SCN2A: variants seen among roughly 807,000 people sequenced by gnomAD.
SCN2A encodes sodium channel protein type 2 subunit alpha.
SCN2A carries 20 observed loss-of-function variants against 188.7 expected under a neutral mutation model. That is an observed-to-expected ratio of 0.11 (90% CI 0.07 to 0.15). The LOEUF (loss-of-function observed/expected upper bound fraction) is 0.15, where lower values mean the gene tolerates loss of function less well. Among genes scored for constraint, SCN2A ranks in the 10% least tolerant of loss-of-function variants. SCN2A has a pLI of 1.00. For synonymous variants in SCN2A, 804 were observed against 833.1 expected (o/e 0.97, Z 0.60); for missense variants, 1,278 against 2,445.0 (o/e 0.52, Z 10.07).
chr2:165,346,886 A>C (rs906679318), intron 16 of SCN2A, among the ~76,000 whole-genome samples: 2 of 152,256 alleles, frequency 1.3e-5, no homozygotes, highest in Admixed American at 6.5e-5. Flanking sequence ...TCAAAACCAC[A>C]ATGAGATACC....
chr2:165,374,924 C>T lies in SCN2A; in HGVS notation c.4212C>T (p.Asn1404=). The change falls in exon 22 of 27, where the codon AAC becomes AAT. Residue 1404 remains asparagine, a synonymous_variant. Coordinates refer to ENST00000375437, the MANE Select transcript of SCN2A (RefSeq NM_001040142.2). ...CCAGGTGGAAAAATGTGAAAGTAAA[C>T]TTTGATAACGTAGGACTTGGATATC... is the stretch of plus-strand genomic sequence containing the variant. ...QTARWKNVKV[N]FDNVGLGYLS... 8 of 1,613,330 alleles carry T rather than the reference C, an allele frequency of 5.0e-6. No homozygotes were observed. Among genetic ancestry groups the T allele is most frequent in the Non-Finnish European group, 5.9e-6 (7 of 1,179,532 alleles).
chr2:165,322,866 A>G (rs1698145824), intron 11 of SCN2A, among the ~76,000 whole-genome samples: 1 of 152,208 alleles, frequency 6.6e-6, no homozygotes, highest in Admixed American at 6.5e-5. Context: ...ACAAAACATT[A>G]TGGGGACACT....
chr2:165,294,040 A>AAG (rs780674346), intron 1 of SCN2A: 4 of 630,392 alleles, frequency 6.3e-6, no homozygotes, highest in Non-Finnish European at 7.5e-6. Flanking sequence ...AAAAAAAAAG[A>AAG]TTTTTTTTTT....
In SCN2A at chr2:165,264,871, T is replaced by C. The variant is rs192016487; in HGVS notation, c.-52+25231T>C. Among the ~76,000 whole-genome samples the C allele has an allele frequency of 5.6e-4, 85 of 152,280 alleles. No individual in the cohort carries two copies. The South Asian group carries it at 0.014, about 25-fold the overall frequency. On this transcript the variant is annotated intron_variant, in intron 1 of 26. Transcript: ENST00000375437. The stretch of plus-strand genomic sequence containing the variant: ...ACATTTTATTTATCCACTCTATCAC[T>C]GATGGGCATTTAGGTTGATTCCATG...
In SCN2A at chr2:165,366,876, A is replaced by G. The variant is rs375649579; in HGVS notation, c.3521-341A>G. On this transcript the variant is annotated intron_variant, in intron 18 of 26. Coordinates refer to ENST00000375437, the MANE Select transcript of SCN2A (RefSeq NM_001040142.2). ...CAGAATTCAAATATGTAAAGTGTCC[A>G]TATAGAGTGGAATTACACTCATAGG... 1.5e-4 allele frequency among the ~76,000 whole-genome samples: 23 copies of G among 152,318 alleles called. No individual in the cohort carries two copies. In the East Asian group the frequency reaches 3.7e-3, roughly 24 times the overall value.
chr2:165,283,939 A>C (rs751169203), intron 1 of SCN2A, among the ~76,000 whole-genome samples: 2 of 152,160 alleles, frequency 1.3e-5, no homozygotes, highest in Non-Finnish European at 2.9e-5. Flanking sequence ...GATCAATGAG[A>C]TAACAAATCA....
At chr2:165,296,677 T>G in intron 2 of SCN2A, 1 of 177,490 alleles carries the variant, frequency 5.6e-6, no homozygotes, top group East Asian at 1.7e-4. Flanking sequence ...ATGAGAAAAT[T>G]TTCTAACCAA....
intron 1 of SCN2A, among the ~76,000 whole-genome samples, chr2:165,279,977 A>G (rs1364078069): frequency 6.6e-6 from 1 of 152,136 alleles, no homozygotes; most frequent in East Asian, 1.9e-4. Flanking sequence ...GCCTGCCACC[A>G]TTCACGAAAT....
In SCN2A at chr2:165,321,355, C is replaced by T. The variant is rs554627815; in HGVS notation, c.1672-1801C>T. ...TTTCTCACATTTTCCTGTGTTCTTC[C>T]GAGCCCTCCAAACTGTTCCATCCTC... On this transcript the variant is annotated intron_variant, in intron 11 of 26. Transcript: ENST00000375437. 2.4e-4 allele frequency among the ~76,000 whole-genome samples: 36 copies of T among 152,268 alleles called. 1 individual carries two copies. In the South Asian group the frequency reaches 3.3e-3, roughly 14 times the overall value.
chr2:165,265,246 T>C (rs1490562956), intron 1 of SCN2A, among the ~76,000 whole-genome samples: 3 of 151,850 alleles, frequency 2.0e-5, no homozygotes, highest in African/African-American at 2.4e-5. Context: ...TTTTTTTATA[T>C]GCTTTGTTGG....
chr2:165,341,729 A>C (rs773741032), intron 14 of SCN2A, among the ~76,000 whole-genome samples: 1 of 152,214 alleles, frequency 6.6e-6, no homozygotes, highest in Non-Finnish European at 1.5e-5. Context: ...AAAATGGCTG[A>C]GGTTATGTGC....
intron 1 of SCN2A, among the ~76,000 whole-genome samples, chr2:165,288,532 C>A (rs1695957797): frequency 1.3e-5 from 2 of 150,074 alleles, no homozygotes; most frequent in African/African-American, 2.5e-5. Context: ...GGAACTAAAC[C>A]TAGCATTAAA....
chr2:165,270,996 T>A (rs929014395), intron 1 of SCN2A: 4 of 152,132 alleles, frequency 2.6e-5, no homozygotes, highest in African/African-American at 9.7e-5. Flanking sequence ...TATACCTCCC[T>A]GATCTACCTT....
chr2:165,359,285 A>G lies in SCN2A; in HGVS notation c.3399+4614A>G, dbSNP rs550237030. Among the ~76,000 whole-genome samples the G allele has an allele frequency of 3.3e-5, 5 of 152,254 alleles. No individual in the cohort carries two copies. The East Asian group carries it at 5.8e-4, about 18-fold the overall frequency. On this transcript the variant is annotated intron_variant, in intron 17 of 26. Coordinates refer to ENST00000375437, the MANE Select transcript of SCN2A (RefSeq NM_001040142.2). ...AGATAATTACTTTTTCCTATTATGT[A>G]TTAATTCTTCAGAAAAGCATGAGAT...
At chr2:165,354,786 T>G in intron 17 of SCN2A, 115 bp downstream of exon 17, 3 of 1,007,694 alleles carry the variant, frequency 3.0e-6, no homozygotes, top group Non-Finnish European at 4.4e-6. Flanking sequence ...AAAATATCTG[T>G]CTAGCAATAT....
At chr2:165,336,799 C>A (rs554911635) in intron 14 of SCN2A, among the ~76,000 whole-genome samples, 23 of 152,014 alleles carry the variant, frequency 1.5e-4, no homozygotes, top group Non-Finnish European at 2.9e-4. Flanking sequence ...TACTTTACCC[C>A]CATGTTGCAG....
intron 1 of SCN2A, among the ~76,000 whole-genome samples, chr2:165,253,383 G>A (rs1267996505): frequency 2.6e-5 from 4 of 152,044 alleles, no homozygotes; most frequent in African/African-American, 9.7e-5. Flanking sequence ...TAATATCATT[G>A]AGAGGCCACT....
At chr2:165,298,282 A>T (rs960303501) in intron 3 of SCN2A, among the ~76,000 whole-genome samples, 2 of 152,214 alleles carry the variant, frequency 1.3e-5, no homozygotes, top group South Asian at 4.1e-4. Flanking sequence ...TATTTGAATT[A>T]GATAAGGTAT....
intron 16 of SCN2A, among the ~76,000 whole-genome samples, chr2:165,347,527 C>T (rs1186616803): frequency 6.6e-6 from 1 of 151,946 alleles, no homozygotes; most frequent in East Asian, 1.9e-4. Flanking sequence ...ACCACCATGG[C>T]AAGTGTATAT....
Sources: gnomAD v4.1 joint callset for allele counts (sites outside exome capture counted in the v4.1 genomes callset) on GRCh38, gnomAD v4.1.1 for gene constraint, MANE v1.5 for transcripts, NCBI Gene and HGNC (gene_info 2026-07-23, HGNC 2026-07-21) for gene names.